Variants in YTHDC1 observed in about 807,000 individuals in gnomAD.
YTHDC1 encodes YTH N6-methyladenosine RNA binding protein C1.
In YTHDC1, 12 loss-of-function variants were observed where a neutral mutation model predicts 107.0. The observed-to-expected ratio is 0.11, with a 90% confidence interval of 0.07 to 0.18. The LOEUF is 0.18. Ranked by LOEUF, YTHDC1 falls within the 10% of genes least tolerant of loss-of-function variation. The pLI is 1.00. For missense variants in YTHDC1, 635 were observed against 898.8 expected (o/e 0.71, Z 3.75); for synonymous variants, 280 against 289.5 (o/e 0.97, Z 0.33).
intron 16 of YTHDC1, 178 bp downstream of exon 16, chr4:68,316,136 A>G: frequency 3.0e-6 from 2 of 674,440 alleles, no homozygotes; most frequent in South Asian, 5.5e-5. Context: ...TATTCTATCT[A>G]TATAATCCAA....
intron 12 of YTHDC1, among the ~76,000 whole-genome samples, chr4:68,319,477 A>C (rs1722212658): frequency 6.6e-6 from 1 of 152,310 alleles, no homozygotes; most frequent in Admixed American, 6.5e-5. Flanking sequence ...TTTCTACAAC[A>C]GGACAACCTA....
chr4:68,338,298 T>C lies in YTHDC1; in HGVS notation c.115A>G (p.Lys39Glu). ...TCTTACATACCCTTTTTCTCATTTT[T>C]ATCTTGTTCACTCTCTGGATTATAC... Reference protein sequence around the residue: ...ELYNPESEQDKNEKKGSKRKS... With the variant: ...ELYNPESEQDENEKKGSKRKS... The change falls in exon 2 of 17, where the codon AAA becomes GAA. Residue 39 changes from lysine (K) to glutamate (E), a missense_variant. Physicochemically the swap from Lys to Glu is moderately conservative, Grantham distance 56. Transcript: ENST00000344157. The C allele has an allele frequency of 6.2e-7, 1 of 1,607,574 alleles. No individual in the cohort carries two copies. The highest frequency in any genetic ancestry group is 1.3e-5 in the African/African-American group (1 of 74,826).
At chr4:68,340,163 A>C (rs1034232687) in intron 1 of YTHDC1, among the ~76,000 whole-genome samples, 1 of 152,164 alleles carries the variant, frequency 6.6e-6, no homozygotes, top group Non-Finnish European at 1.5e-5. Flanking sequence ...AACAGGTTAA[A>C]TGGGATTCAA....
Position 68,310,394 on chromosome 4 carries a change from T to G in YTHDC1, c.*3705A>C, listed in dbSNP as rs1721214565. 1 of 152,230 alleles carries G rather than the reference T, an allele frequency of 6.6e-6. No homozygotes were observed. Among genetic ancestry groups the G allele is most frequent in the Non-Finnish European group, 1.5e-5 (1 of 68,042 alleles). 9.4% of individuals were successfully genotyped at this position (152,230 alleles called of 1,614,324 possible). A position where few individuals can be genotyped will look rare whatever the true frequency, so the allele number is the denominator to read the frequency against. On this transcript the variant is annotated 3_prime_UTR_variant, in exon 17 of 17. Coordinates refer to ENST00000344157, the MANE Select transcript of YTHDC1 (RefSeq NM_001031732.4). The stretch of plus-strand genomic sequence containing the variant: ...TCTGTGTTTAAGACATAGTAGTATT[T>G]AAGATACATTTAATGTATTTATTAG...
chr4:68,335,260 C>A (rs1415376100), intron 4 of YTHDC1, among the ~76,000 whole-genome samples: 1 of 142,574 alleles, frequency 7.0e-6, no homozygotes, highest in African/African-American at 2.5e-5. Context: ...GTTCCAAAAT[C>A]ACCCCATTAC....
chr4:68,311,951 A>G lies in YTHDC1; in HGVS notation c.*2148T>C, dbSNP rs938564884. 6.6e-6 allele frequency: 1 copy of G among 152,166 alleles called. No homozygotes were observed. The highest frequency in any genetic ancestry group is 1.5e-5 in the Non-Finnish European group (1 of 68,068). The allele number at this position is 152,166 out of a possible 1,614,324, so 9.4% of individuals were successfully genotyped here. A position where few individuals can be genotyped will look rare whatever the true frequency, so the allele number is the denominator to read the frequency against. On this transcript the variant is annotated 3_prime_UTR_variant, in exon 17 of 17. Transcript: ENST00000344157. ...GTCACTTGAGGTCGAGTTTGAGACC[A>G]GCCTGGCCAACATGTTGGAACCCCA...
At chr4:68,347,824 C>G (rs193204378) in intron 1 of YTHDC1, among the ~76,000 whole-genome samples, 6 of 152,116 alleles carry the variant, frequency 3.9e-5, no homozygotes, top group African/African-American at 1.4e-4. Flanking sequence ...TGATGATGAT[C>G]ATCAAGTAAA....
intron 9 of YTHDC1, among the ~76,000 whole-genome samples, chr4:68,327,176 T>C (rs1723083971): frequency 6.6e-6 from 1 of 151,600 alleles, no homozygotes; most frequent in South Asian, 2.1e-4. Flanking sequence ...GCGGAAGTTG[T>C]GGTGAGCCGA....
chr4:68,327,001 C>T (rs1000336601), intron 9 of YTHDC1, among the ~76,000 whole-genome samples: 1 of 150,828 alleles, frequency 6.6e-6, no homozygotes, highest in Non-Finnish European at 1.5e-5. Context: ...CTTTGGGAGG[C>T]TGAGGCGGGC....
chr4:68,344,735 G>A (rs1302259015), intron 1 of YTHDC1, among the ~76,000 whole-genome samples: 1 of 152,114 alleles, frequency 6.6e-6, no homozygotes, highest in East Asian at 1.9e-4. Context: ...AAGTAAACAA[G>A]GATATAAAAA....
chr4:68,326,839 C>T (rs1047999294), intron 9 of YTHDC1, among the ~76,000 whole-genome samples: 7 of 151,838 alleles, frequency 4.6e-5, no homozygotes, highest in African/African-American at 1.7e-4. Flanking sequence ...GATGCACCCA[C>T]CTCAGCCTCC....
At position 68,337,625 on chromosome 4, in the gene YTHDC1, G is replaced by GGACACA. The variant is rs1560497296; in HGVS notation, c.400_405dup (p.Cys134_Val135dup). The stretch of plus-strand genomic sequence containing the variant: ...GCCCTCCTTTCAGGATCCCTTTTCC[G>GGACACA]GACACAGGTTTTTTCAGGTTGATTC... On this transcript the variant is annotated inframe_insertion, in exon 3 of 17. Transcript: ENST00000344157. 1 of 1,613,042 alleles carries GGACACA rather than the reference G, an allele frequency of 6.2e-7. No homozygotes were observed. Among genetic ancestry groups the GGACACA allele is most frequent in the Admixed American group, 1.7e-5 (1 of 59,734 alleles).
chr4:68,331,037 C>T (rs1323351277), intron 7 of YTHDC1, among the ~76,000 whole-genome samples: 1 of 152,074 alleles, frequency 6.6e-6, no homozygotes, highest in Non-Finnish European at 1.5e-5. Flanking sequence ...CATGCAGATA[C>T]CAAAATCTGA....
At chr4:68,329,979 C>T in intron 9 of YTHDC1, 23 bp downstream of exon 9, 1 of 1,545,894 alleles carries the variant, frequency 6.5e-7, no homozygotes, top group Non-Finnish European at 8.9e-7. Context: ...TTTCAGTTAT[C>T]TATACTGAAG....
intron 7 of YTHDC1, 67 bp downstream of exon 7, chr4:68,332,036 T>C (rs1723643221): frequency 3.0e-6 from 3 of 1,001,844 alleles, no homozygotes; most frequent in Non-Finnish European, 4.4e-6. Flanking sequence ...CTTGATATAA[T>C]ACAAGTCTAT....
intron 16 of YTHDC1, among the ~76,000 whole-genome samples, chr4:68,315,513 G>A (rs2109675062): frequency 6.6e-6 from 1 of 152,026 alleles, no homozygotes; most frequent in East Asian, 1.9e-4. Context: ...ATCCTACTTA[G>A]TTTAACAACA....
At chr4:68,347,060 A>C (rs1232771071) in intron 1 of YTHDC1, among the ~76,000 whole-genome samples, 1 of 152,196 alleles carries the variant, frequency 6.6e-6, no homozygotes, top group African/African-American at 2.4e-5. Flanking sequence ...AATGAAGTCC[A>C]ACCTGGTAAA....
intron 1 of YTHDC1, among the ~76,000 whole-genome samples, chr4:68,342,130 A>G (rs967641506): frequency 3.9e-5 from 6 of 152,198 alleles, no homozygotes; most frequent in African/African-American, 1.4e-4. Context: ...TGATCACCCT[A>G]AAACTTGACT....
At chr4:68,342,021 T>A (rs376594647) in intron 1 of YTHDC1, among the ~76,000 whole-genome samples, 3 of 152,194 alleles carry the variant, frequency 2.0e-5, no homozygotes, top group South Asian at 4.1e-4. Context: ...CTATGTGATA[T>A]ATATAAAATC....
Sources: allele counts gnomAD v4.1 joint callset (sites outside exome capture counted in the v4.1 genomes callset), GRCh38; gene constraint gnomAD v4.1.1; transcripts MANE v1.5; gene names NCBI Gene and HGNC (gene_info 2026-07-23, HGNC 2026-07-21).